CCNY: variants seen among roughly 807,000 people sequenced by gnomAD.
CCNY encodes the protein cyclin-Y.
A neutral mutation model predicts 42.8 loss-of-function variants in CCNY; 19 were observed. The observed-to-expected ratio is 0.44, with a 90% CI of 0.31 to 0.65. The LOEUF (loss-of-function observed/expected upper bound fraction) is 0.65, where lower values mean the gene tolerates loss of function less well. Ranked by LOEUF, CCNY falls within the 30% of genes least tolerant of loss-of-function variation. The pLI, the probability that CCNY is intolerant of heterozygous loss-of-function variation, is 0.07. For synonymous variants in CCNY, 165 were observed against 162.7 expected, an observed-to-expected ratio of 1.01 and a Z score of -0.11; for missense variants, 370 against 437.3, an observed-to-expected ratio of 0.85 and a Z score of 1.37.
chr10:35,328,873 C>G (rs928645971), intron 3 of CCNY, among the ~76,000 whole-genome samples: 2 of 152,194 alleles, frequency 1.3e-5, no homozygotes, highest in Non-Finnish European at 2.9e-5. Flanking sequence ...TTAGGTGTTA[C>G]TGTTCTCAGT....
intron 2 of CCNY, among the ~76,000 whole-genome samples, chr10:35,492,370 A>G (rs184887877): frequency 6.6e-6 from 1 of 152,064 alleles, no homozygotes; most frequent in Non-Finnish European, 1.5e-5. Context: ...GTTTCTCTTC[A>G]TTCCATTGAT....
Position 35,571,093 on chromosome 10 carries a change from AG to A in CCNY, c.*1926del, listed in dbSNP as rs905678635. 5 of 152,214 alleles carry A rather than the reference AG, an allele frequency of 3.3e-5. No individual in the cohort carries two copies. The highest frequency in any genetic ancestry group is 1.2e-4 in the African/African-American group (5 of 41,446). The allele number at this position is 152,214 out of a possible 1,614,324, so 9.4% of individuals were successfully genotyped here. A position where few individuals can be genotyped will look rare whatever the true frequency, so the allele number is the denominator to read the frequency against. The stretch of plus-strand genomic sequence containing the variant: ...ATTCCCTAATCTATATAGCTGAAAA[AG>A]GGTTGTATTTTCTTAGCTGAATATG... On this transcript the variant is annotated 3_prime_UTR_variant, in exon 10 of 10. Transcript: ENST00000374704.
intron 3 of CCNY, among the ~76,000 whole-genome samples, chr10:35,275,720 A>G (rs965251318): frequency 1.1e-4 from 16 of 151,522 alleles, no homozygotes; most frequent in African/African-American, 3.9e-4. Context: ...CTGAGATCGC[A>G]CCACTGCACT....
chr10:35,428,519 G>A (rs916593034), intron 1 of CCNY, among the ~76,000 whole-genome samples: 1 of 152,176 alleles, frequency 6.6e-6, no homozygotes, highest in African/African-American at 2.4e-5. Flanking sequence ...AAACATGGCT[G>A]TGTAGGCTAT....
intron 3 of CCNY, among the ~76,000 whole-genome samples, chr10:35,508,681 T>C (rs1021336387): frequency 6.6e-6 from 1 of 152,244 alleles, no homozygotes; most frequent in Non-Finnish European, 1.5e-5. Flanking sequence ...GTCTATCCCA[T>C]AGGGTTTTTT....
intron 7 of CCNY, among the ~76,000 whole-genome samples, chr10:35,533,618 G>T (rs1441254059): frequency 6.6e-6 from 1 of 152,116 alleles, no homozygotes; most frequent in African/African-American, 2.4e-5. Flanking sequence ...CACATCAGGG[G>T]GCTGTTGCCT....
intron 1 of CCNY, among the ~76,000 whole-genome samples, chr10:35,427,675 A>G (rs897718172): frequency 1.3e-5 from 2 of 152,284 alleles, no homozygotes; most frequent in African/African-American, 4.8e-5. Flanking sequence ...CCACAGGGTC[A>G]TATGTGTAAA....
chr10:35,482,160 G>T (rs1232849026), intron 1 of CCNY, among the ~76,000 whole-genome samples: 1 of 152,152 alleles, frequency 6.6e-6, no homozygotes, highest in Non-Finnish European at 1.5e-5. Flanking sequence ...ATCTCTTTGT[G>T]GATAAGTGAT....
chr10:35,318,740 CAAT>C (rs1044312576), intron 3 of CCNY, among the ~76,000 whole-genome samples: 76 of 150,568 alleles, frequency 5.0e-4, no homozygotes, highest in African/African-American at 1.8e-3. Flanking sequence ...AGTGGTAGAA[CAAT>C]AATGATGATT....
intron 3 of CCNY, among the ~76,000 whole-genome samples, chr10:35,261,924 G>A (rs2095719991): frequency 6.6e-6 from 1 of 151,048 alleles, no homozygotes; most frequent in Non-Finnish European, 1.5e-5. Context: ...GGGAGGCTAA[G>A]GCAAGAGAAT....
At chr10:35,468,296 G>A (rs1839312333) in intron 1 of CCNY, among the ~76,000 whole-genome samples, 1 of 152,156 alleles carries the variant, frequency 6.6e-6, no homozygotes. Context: ...ACCTCCCAGA[G>A]GTGCCACCTC....
intron 1 of CCNY, 83 bp from the exon 2 acceptor site, chr10:35,483,321 A>C (rs945901740): frequency 1.1e-6 from 1 of 898,046 alleles, no homozygotes; most frequent in African/African-American, 1.7e-5. Context: ...AGCAATTTAA[A>C]GTTGAAAAAT....
At chr10:35,348,845 A>T (rs183040862) in intron 1 of CCNY, among the ~76,000 whole-genome samples, 34 of 151,904 alleles carry the variant, frequency 2.2e-4, no homozygotes, top group African/African-American at 7.7e-4. Flanking sequence ...CTTTCATGGA[A>T]CTAATATTCT....
At chr10:35,274,928 C>A (rs970113353) in intron 3 of CCNY, among the ~76,000 whole-genome samples, 2 of 152,084 alleles carry the variant, frequency 1.3e-5, no homozygotes, top group Non-Finnish European at 2.9e-5. Context: ...GCTGTGATCC[C>A]CCTGGCTTCT....
intron 1 of CCNY, among the ~76,000 whole-genome samples, chr10:35,374,766 G>A (rs1837012772): frequency 6.6e-6 from 1 of 152,128 alleles, no homozygotes; most frequent in Non-Finnish European, 1.5e-5. Flanking sequence ...CTGAAAAGTA[G>A]CTACATATGT....
At chr10:35,402,464 T>G (rs908755723) in intron 1 of CCNY, among the ~76,000 whole-genome samples, 2 of 152,200 alleles carry the variant, frequency 1.3e-5, no homozygotes, top group African/African-American at 4.8e-5. Flanking sequence ...TATGTTGTCA[T>G]ATACCAGGCC....
At chr10:35,373,034 T>C (rs1281480651) in intron 1 of CCNY, among the ~76,000 whole-genome samples, 1 of 152,190 alleles carries the variant, frequency 6.6e-6, no homozygotes, top group Non-Finnish European at 1.5e-5. Context: ...TTATTTCCTC[T>C]GCTAGATTGT....
intron 1 of CCNY, among the ~76,000 whole-genome samples, chr10:35,451,543 G>A (rs1838916479): frequency 6.6e-6 from 1 of 152,182 alleles, no homozygotes; most frequent in South Asian, 2.1e-4. Context: ...CTTCTGAGCA[G>A]GTTTTGGTTG....
At chr10:35,463,623 A>G (rs901060132) in intron 1 of CCNY, among the ~76,000 whole-genome samples, 3 of 152,372 alleles carry the variant, frequency 2.0e-5, no homozygotes, top group African/African-American at 7.2e-5. Flanking sequence ...CCAACACTTT[A>G]GGAAACAACT....
Sources: allele counts gnomAD v4.1 joint callset (sites outside exome capture counted in the v4.1 genomes callset), GRCh38; gene constraint gnomAD v4.1.1; transcripts MANE v1.5; gene names NCBI Gene and HGNC (gene_info 2026-07-23, HGNC 2026-07-21).